Variants in ZSCAN2 observed in about 807,000 individuals in gnomAD.
ZSCAN2 encodes the protein zinc finger and SCAN domain containing 2, also known as zinc finger and SCAN domain-containing protein 2.
Under a neutral mutation model 47.8 loss-of-function variants are expected in ZSCAN2, and 26 were observed. The ratio of observed to expected loss-of-function variants is 0.54; its 90% CI spans 0.40 to 0.75. ZSCAN2 has a LOEUF of 0.75. Ranked by LOEUF, ZSCAN2 falls within the 30% of genes least tolerant of loss-of-function variation. ZSCAN2 has a pLI of 0.00. For missense variants in ZSCAN2, 732 were observed against 785.4 expected, an observed-to-expected ratio of 0.93 and a Z score of 0.81; for synonymous variants, 305 against 288.7, an observed-to-expected ratio of 1.06 and a Z score of -0.57.
intron 2 of ZSCAN2, among the ~76,000 whole-genome samples, chr15:84,615,234 G>A (rs543419839): frequency 2.3e-4 from 35 of 152,226 alleles, no homozygotes; most frequent in African/African-American, 7.7e-4. Flanking sequence ...GATTACAGGC[G>A]TGAGCCACCA....
chr15:84,622,070 C>A lies in ZSCAN2; in HGVS notation c.*30C>A, dbSNP rs755217855. The A allele has an allele frequency of 3.6e-5, 55 of 1,548,128 alleles. 3 individuals are homozygous for A. In the Middle Eastern group the frequency reaches 5.1e-3, roughly 145 times the overall value. ...GCAAAGAGTGAAAGTGAGGGACTGG[C>A]CTGGAGTGGGAGTTGCCACACTGCC... On this transcript the variant is annotated 3_prime_UTR_variant, in exon 3 of 3. Coordinates refer to ENST00000546148, the MANE Select transcript of ZSCAN2 (RefSeq NM_181877.4).
intron 2 of ZSCAN2, chr15:84,606,515 T>C: frequency 1.3e-6 from 2 of 1,592,626 alleles, no homozygotes; most frequent in Non-Finnish European, 1.7e-6. Flanking sequence ...CAAACCTGTC[T>C]CCCTATTTTA....
Position 84,620,897 on chromosome 15 carries a change from A to G in ZSCAN2, c.702A>G (p.Lys234=), listed in dbSNP as rs780184029. ...CPQCGKTFSR[K]SHLITHERTH... ...AGTGTGGGAAGACCTTCAGCCGGAA[A>G]TCCCACCTCATCACACACGAGAGGA... Residue 234 remains lysine, a synonymous_variant, in exon 3 of 3, where the codon AAA becomes AAG. Coordinates refer to ENST00000546148, the MANE Select transcript of ZSCAN2 (RefSeq NM_181877.4). 37 of 1,614,014 alleles carry G rather than the reference A, an allele frequency of 2.3e-5. No homozygotes were observed. The highest frequency in any genetic ancestry group is 2.0e-4 in the African/African-American group (15 of 74,918).
intron 2 of ZSCAN2, among the ~76,000 whole-genome samples, chr15:84,610,927 T>G (rs927350919): frequency 1.3e-5 from 2 of 152,208 alleles, no homozygotes; most frequent in African/African-American, 2.4e-5. Context: ...TGCAAATTCA[T>G]AAGAAAAGTC....
In ZSCAN2 at chr15:84,621,878, T is replaced by G; in HGVS notation, c.1683T>G (p.Pro561=). The G allele has an allele frequency of 6.2e-7, 1 of 1,614,004 alleles. No individual in the cohort carries two copies. The change falls in exon 3 of 3, where the codon CCT becomes CCG. Residue 561 remains proline (P), a synonymous_variant. Transcript: ENST00000546148. This position sits in a 1 kb window ranked among gnomAD's most constrained non-coding sequence, Gnocchi z 5.7. ...TGGGAGACAAGCCCTACAGGTGCCC[T>G]GAGTGTGGGAAAGGCTTTAGCTGGA... ...AHLGDKPYRC[P]ECGKGFSWNS...
intron 2 of ZSCAN2, among the ~76,000 whole-genome samples, chr15:84,610,079 T>C (rs912939116): frequency 2.6e-5 from 4 of 152,228 alleles, no homozygotes; most frequent in Non-Finnish European, 4.4e-5. Flanking sequence ...ACAAGGACCG[T>C]TGGCTGAGAT....
chr15:84,613,755 A>G (rs1470383320), intron 2 of ZSCAN2, among the ~76,000 whole-genome samples: 1 of 149,318 alleles, frequency 6.7e-6, no homozygotes, highest in South Asian at 2.1e-4. Flanking sequence ...GCTCACTGCA[A>G]CCTCCACCTC....
intron 2 of ZSCAN2, among the ~76,000 whole-genome samples, chr15:84,620,335 A>T (rs548266017): frequency 6.6e-6 from 1 of 152,068 alleles, no homozygotes; most frequent in African/African-American, 2.4e-5. Context: ...TCTTCATCCA[A>T]TCTATCATTG....
At position 84,621,772 on chromosome 15, in the gene ZSCAN2, G is replaced by T. The variant is rs202040620; in HGVS notation, c.1577G>T (p.Gly526Val). 2 of 1,614,242 alleles carry T rather than the reference G, an allele frequency of 1.2e-6. No individual in the cohort carries two copies. The highest frequency in any genetic ancestry group is 1.7e-6 in the Non-Finnish European group (2 of 1,180,042). ...GTAGTGCACCAGCGGACCCACACGG[G>T]CGAGAAGCCCTACAAATGCCTCATG... ...QLVVHQRTHT[G>V]EKPYKCLMCG... Residue 526 changes from glycine to valine, a missense_variant, in exon 3 of 3, where the codon GGC becomes GTC. Physicochemically the swap from Gly to Val is moderately radical, Grantham distance 109. This residue lies in a region of ZSCAN2 where 412 missense variants were observed against 498.0 expected (regional missense o/e 0.83). Transcript: ENST00000546148. The surrounding 1 kb of genome is among the most constrained non-coding windows in gnomAD (Gnocchi z 5.7).
chr15:84,618,188 C>T (rs1366870153), intron 2 of ZSCAN2, among the ~76,000 whole-genome samples: 8 of 152,120 alleles, frequency 5.3e-5, no homozygotes, highest in Admixed American at 1.3e-4. Flanking sequence ...GAGGCCCAGG[C>T]GGGCGGATCA....
At chr15:84,618,976 C>T (rs1009810602) in intron 2 of ZSCAN2, among the ~76,000 whole-genome samples, 23 of 152,170 alleles carry the variant, frequency 1.5e-4, no homozygotes, top group African/African-American at 4.3e-4. Flanking sequence ...GATCCAGGCT[C>T]AGCTCTCTGC....
intron 2 of ZSCAN2, among the ~76,000 whole-genome samples, chr15:84,604,610 A>G (rs1895319329): frequency 1.3e-5 from 2 of 152,262 alleles, no homozygotes; most frequent in South Asian, 4.1e-4. Context: ...TGGGAAGGTG[A>G]TGGAAGTTAA....
At chr15:84,617,262 C>A (rs1596035969) in intron 2 of ZSCAN2, among the ~76,000 whole-genome samples, 2 of 152,024 alleles carry the variant, frequency 1.3e-5, no homozygotes, top group African/African-American at 4.8e-5. Context: ...GTGGTGAAAC[C>A]CTATCTCTAC....
Position 84,621,381 on chromosome 15 carries a change from G to A in ZSCAN2, c.1186G>A (p.Gly396Arg). 6.2e-7 allele frequency: 1 copy of A among 1,614,050 alleles called. No homozygotes were observed. The highest frequency in any genetic ancestry group is 8.5e-7 in the Non-Finnish European group (1 of 1,180,012). The change falls in exon 3 of 3, where the codon GGG (glycine) becomes AGG (arginine). Residue 396 changes from glycine (G) to arginine (R), a missense_variant. Around this residue, in one of 2 missense-constraint regions of ZSCAN2, gnomAD observed 412 missense variants for 498.0 expected, o/e 0.83. Coordinates refer to ENST00000546148, the MANE Select transcript of ZSCAN2 (RefSeq NM_181877.4). This position sits in a 1 kb window ranked among gnomAD's most constrained non-coding sequence, Gnocchi z 5.7. ...GEKPYKCTDC[G>R]QRFSQSSALI... is the part of the protein sequence containing the mutation. Reference sequence around the variant, plus strand: ...GAAACCCTACAAATGTACCGACTGTGGGCAGAGGTTCAGCCAGAGTTCAGC... The same window carrying A: ...GAAACCCTACAAATGTACCGACTGTAGGCAGAGGTTCAGCCAGAGTTCAGC...
intron 2 of ZSCAN2, among the ~76,000 whole-genome samples, chr15:84,610,209 A>G (rs766351659): frequency 5.9e-5 from 9 of 152,158 alleles, no homozygotes; most frequent in Non-Finnish European, 1.3e-4. Flanking sequence ...AAAAACTAAA[A>G]TTGGATACCT....
chr15:84,610,250 G>A (rs1895504532), intron 2 of ZSCAN2, among the ~76,000 whole-genome samples: 1 of 152,110 alleles, frequency 6.6e-6, no homozygotes, highest in Non-Finnish European at 1.5e-5. Context: ...ATAGATCCCT[G>A]CTTTACAAGT....
intron 2 of ZSCAN2, among the ~76,000 whole-genome samples, chr15:84,617,303 G>C (rs956070453): frequency 6.6e-6 from 1 of 151,940 alleles, no homozygotes; most frequent in Non-Finnish European, 1.5e-5. Flanking sequence ...AGGCGTGTTG[G>C]CGTGCGCCTG....
At position 84,620,663 on chromosome 15, in the gene ZSCAN2, A is replaced by C; in HGVS notation, c.468A>C (p.Ser156=). Residue 156 remains serine, a synonymous_variant, in exon 3 of 3, where the codon TCA becomes TCC. Transcript: ENST00000546148. ...NCNQDMFENE[S]RKIFSEMPEG... is the part of the protein sequence containing the mutation. ...ATCAAGACATGTTTGAGAATGAATC[A>C]CGTAAGATATTCTCGGAAATGCCTG... 6.2e-7 allele frequency: 1 copy of C among 1,614,148 alleles called. No homozygotes were observed. Among genetic ancestry groups the C allele is most frequent in the Non-Finnish European group, 8.5e-7 (1 of 1,179,958 alleles).
chr15:84,601,892 A>G (rs1895213421), intron 1 of ZSCAN2: 1 of 150,752 alleles, frequency 6.6e-6, no homozygotes, highest in Non-Finnish European at 1.5e-5. Flanking sequence ...GTCGTTTGCA[A>G]TTCCACTGCT....
Sources: allele counts gnomAD v4.1 joint callset (sites outside exome capture counted in the v4.1 genomes callset), GRCh38; gene constraint gnomAD v4.1.1; regional missense constraint gnomAD v4.1.1; non-coding constraint Gnocchi (gnomAD v3.1); transcripts MANE v1.5; gene names NCBI Gene and HGNC (gene_info 2026-07-23, HGNC 2026-07-21).